Variants in NALF1 observed in about 807,000 individuals in gnomAD.
The protein encoded by NALF1 is NALCN channel auxiliary factor 1, also known as family with sequence similarity 155 member A.
Under a neutral mutation model 48.4 loss-of-function variants are expected in NALF1, and 3 were observed. That is an observed-to-expected ratio of 0.06 (90% CI 0.03 to 0.16). The LOEUF is 0.16. Among genes scored for constraint, NALF1 ranks in the 10% least tolerant of loss-of-function variants. The pLI is 1.00. For synonymous variants in NALF1, 262 were observed against 245.7 expected (o/e 1.07, Z -0.62); for missense variants, 526 against 571.5 (o/e 0.92, Z 0.81).
intron 1 of NALF1, among the ~76,000 whole-genome samples, chr13:107,651,548 T>C (rs1301400735): frequency 6.6e-6 from 1 of 152,228 alleles, no homozygotes; most frequent in Non-Finnish European, 1.5e-5. Flanking sequence ...AAACCTCTAC[T>C]GATACATGTA....
At chr13:107,716,788 G>A (rs141540914) in intron 1 of NALF1, among the ~76,000 whole-genome samples, 17 of 152,266 alleles carry the variant, frequency 1.1e-4, no homozygotes, top group Middle Eastern at 3.4e-3. Flanking sequence ...TAGGAAGAGC[G>A]CTCAGACACC....
chr13:107,420,326 T>G (rs1461601809), intron 1 of NALF1, among the ~76,000 whole-genome samples: 5 of 152,180 alleles, frequency 3.3e-5, no homozygotes, highest in African/African-American at 1.2e-4. Flanking sequence ...TCTCATACAT[T>G]GCTAACGTGA....
intron 1 of NALF1, among the ~76,000 whole-genome samples, chr13:107,635,333 C>T (rs1879946649): frequency 6.6e-6 from 1 of 151,984 alleles, no homozygotes; most frequent in Admixed American, 6.6e-5. Context: ...TGTCCTTCTT[C>T]ACATGATGGC....
intron 1 of NALF1, among the ~76,000 whole-genome samples, chr13:107,391,566 G>GTC (rs965393010): frequency 3.3e-5 from 5 of 152,038 alleles, no homozygotes. Flanking sequence ...TTTTAGGTCT[G>GTC]ATAAGAAACA....
At chr13:107,279,272 T>C (rs1023078607) in intron 1 of NALF1, among the ~76,000 whole-genome samples, 2 of 152,086 alleles carry the variant, frequency 1.3e-5, no homozygotes, top group Non-Finnish European at 2.9e-5. Context: ...TGTTTTTCTT[T>C]GAGATGGAGT....
chr13:107,437,825 C>T (rs1884487323), intron 1 of NALF1, among the ~76,000 whole-genome samples: 1 of 152,114 alleles, frequency 6.6e-6, no homozygotes, highest in African/African-American at 2.4e-5. Context: ...AAGATTTGTG[C>T]ACCACTTCAT....
intron 1 of NALF1, among the ~76,000 whole-genome samples, chr13:107,380,299 T>A (rs1220570010): frequency 6.6e-6 from 1 of 152,206 alleles, no homozygotes; most frequent in Non-Finnish European, 1.5e-5. Context: ...ATATTGCGTA[T>A]TTTTCAAGAT....
At chr13:107,809,609 G>C (rs7139848) in intron 1 of NALF1, among the ~76,000 whole-genome samples, 37,415 of 151,986 alleles carry the variant, frequency 0.25, 5,299 homozygotes, top group Admixed American at 0.37. Context: ...GCAGTTGTTG[G>C]CTGGTGGTCT....
chr13:107,768,135 T>C (rs1402596912), intron 1 of NALF1, among the ~76,000 whole-genome samples: 1 of 152,202 alleles, frequency 6.6e-6, no homozygotes, highest in African/African-American at 2.4e-5. Context: ...TAATTAAAAA[T>C]GGAATCCATG....
chr13:107,228,666 G>T (rs927997205), intron 1 of NALF1, among the ~76,000 whole-genome samples: 1 of 152,088 alleles, frequency 6.6e-6, no homozygotes. Flanking sequence ...GTTGCCTAGG[G>T]TGGAGTACAA....
chr13:107,803,542 G>C (rs937677381), intron 1 of NALF1, among the ~76,000 whole-genome samples: 1 of 152,004 alleles, frequency 6.6e-6, no homozygotes, highest in Non-Finnish European at 1.5e-5. Context: ...AAAATATCAC[G>C]TTTTTATTTT....
intron 1 of NALF1, among the ~76,000 whole-genome samples, chr13:107,219,085 A>T (rs979438359): frequency 6.6e-6 from 1 of 152,174 alleles, no homozygotes; most frequent in Non-Finnish European, 1.5e-5. Flanking sequence ...AGTGACGAAG[A>T]TGGTGGGAGC....
chr13:107,387,954 T>C (rs780626395), intron 1 of NALF1, among the ~76,000 whole-genome samples: 2 of 152,230 alleles, frequency 1.3e-5, no homozygotes, highest in Non-Finnish European at 1.5e-5. Flanking sequence ...CTCATTAAAA[T>C]GTACCAGTTG....
chr13:107,606,715 T>TA (rs896534191), intron 1 of NALF1, among the ~76,000 whole-genome samples: 11 of 151,674 alleles, frequency 7.3e-5, no homozygotes, highest in East Asian at 5.8e-4. Context: ...GTTGACAAAT[T>TA]AAAAAAAAAT....
At chr13:107,616,091 T>C (rs80026639) in intron 1 of NALF1, among the ~76,000 whole-genome samples, 5,492 of 152,258 alleles carry the variant, frequency 0.036, 127 homozygotes, top group Non-Finnish European at 0.057. Flanking sequence ...ACTTCAAAAC[T>C]ATTGCTGAAG....
At chr13:107,855,096 C>T (rs1399527977) in intron 1 of NALF1, among the ~76,000 whole-genome samples, 2 of 152,110 alleles carry the variant, frequency 1.3e-5, no homozygotes, top group Non-Finnish European at 2.9e-5. Context: ...AGAGGCGTTT[C>T]GCTGACAGAA....
intron 1 of NALF1, among the ~76,000 whole-genome samples, chr13:107,593,060 C>T (rs1214870641): frequency 1.3e-5 from 2 of 151,794 alleles, no homozygotes; most frequent in African/African-American, 4.8e-5. Flanking sequence ...ACTCTAACTG[C>T]ATTAGAGGGT....
At chr13:107,412,861 A>G (rs9520428) in intron 1 of NALF1, among the ~76,000 whole-genome samples, 32,896 of 152,192 alleles carry the variant, frequency 0.22, 4,056 homozygotes, top group Middle Eastern at 0.28. Context: ...TGAATTTTAG[A>G]CTGCATGAAC....
intron 1 of NALF1, among the ~76,000 whole-genome samples, chr13:107,433,523 A>G (rs1171246065): frequency 6.6e-6 from 1 of 152,128 alleles, no homozygotes; most frequent in African/African-American, 2.4e-5. Context: ...TCTTCAGTTT[A>G]AAACTTCTAA....
Sources: gnomAD v4.1 joint callset for allele counts (sites outside exome capture counted in the v4.1 genomes callset) on GRCh38, gnomAD v4.1.1 for gene constraint, MANE v1.5 for transcripts, NCBI Gene and HGNC (gene_info 2026-07-23, HGNC 2026-07-21) for gene names.